The following CCDC102B variants were observed in gnomAD, a reference collection of about 807,000 sequenced individuals.
CCDC102B encodes the protein coiled-coil domain containing 102B.
CCDC102B carries 75 observed loss-of-function variants against 57.4 expected under a neutral mutation model. That is an observed-to-expected ratio of 1.31 (90% confidence interval 1.08 to 1.58). The LOEUF is 1.58. Among genes scored for constraint, CCDC102B ranks in the 40% most tolerant of loss-of-function variants. The pLI is 0.00. For synonymous variants in CCDC102B, 206 were observed against 201.9 expected (o/e 1.02, Z -0.17); for missense variants, 636 against 582.6 (o/e 1.09, Z -0.94).
chr18:68,913,572 T>C (rs1689703540), intron 6 of CCDC102B, among the ~76,000 whole-genome samples: 1 of 151,794 alleles, frequency 6.6e-6, no homozygotes, highest in South Asian at 2.1e-4. Flanking sequence ...GGAAAATCAC[T>C]TCAACCAGGG....
intron 6 of CCDC102B, among the ~76,000 whole-genome samples, chr18:68,952,911 C>G (rs2049738564): frequency 6.6e-6 from 1 of 152,096 alleles, no homozygotes; most frequent in African/African-American, 2.4e-5. Context: ...TACTCTTGTA[C>G]ATGTATACTA....
intron 6 of CCDC102B, among the ~76,000 whole-genome samples, chr18:68,947,182 C>G (rs1287286304): frequency 6.6e-6 from 1 of 151,390 alleles, no homozygotes; most frequent in Non-Finnish European, 1.5e-5. Context: ...GTTTTCCATC[C>G]CCCACCAAGA....
At chr18:68,954,067 T>A (rs1172515828) in intron 6 of CCDC102B, among the ~76,000 whole-genome samples, 3 of 152,044 alleles carry the variant, frequency 2.0e-5, no homozygotes, top group Non-Finnish European at 4.4e-5. Flanking sequence ...GTTTTTTTTT[T>A]AAAGAATAAT....
intron 5 of CCDC102B, among the ~76,000 whole-genome samples, chr18:68,879,080 T>C (rs2039571148): frequency 6.6e-6 from 1 of 151,960 alleles, no homozygotes; most frequent in African/African-American, 2.4e-5. Context: ...GTTACAGCTC[T>C]TAAGGCAGCA....
At chr18:68,933,636 T>C (rs569958390) in intron 6 of CCDC102B, among the ~76,000 whole-genome samples, 49 of 152,052 alleles carry the variant, frequency 3.2e-4, no homozygotes, top group African/African-American at 1.0e-3. Flanking sequence ...TGTGATAATA[T>C]ATTGGAATAC....
At chr18:68,773,431 C>A (rs1219326786) in intron 2 of CCDC102B, among the ~76,000 whole-genome samples, 2 of 151,974 alleles carry the variant, frequency 1.3e-5, no homozygotes, top group African/African-American at 4.8e-5. Flanking sequence ...AGTTACTCTT[C>A]TCTGACTTAT....
chr18:68,763,517 C>A (rs1193868530), intron 2 of CCDC102B, among the ~76,000 whole-genome samples: 2 of 152,028 alleles, frequency 1.3e-5, no homozygotes, highest in Non-Finnish European at 2.9e-5. Context: ...AGCATGACAA[C>A]CTAATCTGAA....
At chr18:68,969,478 C>CTT (rs74175340) in intron 6 of CCDC102B, among the ~76,000 whole-genome samples, 28 of 137,288 alleles carry the variant, frequency 2.0e-4, no homozygotes, top group African/African-American at 6.7e-4. Flanking sequence ...TCCTTTTAAT[C>CTT]TTTTTTTTTT....
At chr18:68,823,213 C>A (rs2036765600) in intron 1 of CCDC102B, among the ~76,000 whole-genome samples, 1 of 152,228 alleles carries the variant, frequency 6.6e-6, no homozygotes, top group Non-Finnish European at 1.5e-5. Context: ...TTACCAAATT[C>A]TTTTAGCTTA....
intron 6 of CCDC102B, among the ~76,000 whole-genome samples, chr18:68,931,703 T>C (rs998627419): frequency 1.3e-5 from 2 of 151,958 alleles, no homozygotes; most frequent in African/African-American, 2.4e-5. Flanking sequence ...TCTTGCTTTT[T>C]GCTCCCATCT....
At chr18:69,024,587 G>A (rs2145428392) in intron 7 of CCDC102B, among the ~76,000 whole-genome samples, 1 of 152,116 alleles carries the variant, frequency 6.6e-6, no homozygotes, top group Non-Finnish European at 1.5e-5. Flanking sequence ...TTATATGTTA[G>A]CACAAATTAT....
chr18:68,931,696 T>C (rs2041678233), intron 6 of CCDC102B, among the ~76,000 whole-genome samples: 1 of 151,938 alleles, frequency 6.6e-6, no homozygotes, highest in African/African-American at 2.4e-5. Flanking sequence ...GCCTTGTTCT[T>C]GCTTTTTGCT....
chr18:68,728,421 T>C lies in CCDC102B; in HGVS notation c.-67+11827T>C, dbSNP rs141385238. Among the ~76,000 whole-genome samples the C allele has an allele frequency of 2.7e-3, 409 of 152,322 alleles. 3 individuals are homozygous for C. Among genetic ancestry groups the C allele is most frequent in the African/African-American group, 9.4e-3 (391 of 41,576 alleles). ...CATGGCTGCTAATACTACCCAAAGA[T>C]TGAACAACAGAAACAAAATTATGGC... On this transcript the variant is annotated intron_variant, in intron 2 of 3. Transcript: ENST00000578970.
intron 4 of CCDC102B, among the ~76,000 whole-genome samples, chr18:68,869,794 C>CCCA (rs2144913896): frequency 6.6e-6 from 1 of 152,072 alleles, no homozygotes; most frequent in Non-Finnish European, 1.5e-5. Flanking sequence ...GAAGTCTTTT[C>CCCA]CCATGCCTAT....
At chr18:68,830,403 AT>A (rs1195220459) in intron 1 of CCDC102B, among the ~76,000 whole-genome samples, 1 of 151,874 alleles carries the variant, frequency 6.6e-6, no homozygotes, top group Non-Finnish European at 1.5e-5. Flanking sequence ...TATTAATTTT[AT>A]TTTTGGCTTA....
intron 7 of CCDC102B, among the ~76,000 whole-genome samples, chr18:69,035,515 A>G (rs1387376227): frequency 6.6e-6 from 1 of 152,112 alleles, no homozygotes; most frequent in Non-Finnish European, 1.5e-5. Flanking sequence ...GGCAGTAAAA[A>G]GATGTGATAT....
At chr18:68,958,018 G>A (rs1248522538) in intron 6 of CCDC102B, among the ~76,000 whole-genome samples, 3 of 152,172 alleles carry the variant, frequency 2.0e-5, no homozygotes, top group Non-Finnish European at 4.4e-5. Context: ...ACGTGGCTGG[G>A]GAGGCCTCAC....
At chr18:68,781,180 T>C (rs926026012) in intron 2 of CCDC102B, among the ~76,000 whole-genome samples, 24 of 152,106 alleles carry the variant, frequency 1.6e-4, no homozygotes, top group Non-Finnish European at 1.9e-4. Flanking sequence ...ATTACTTAGC[T>C]GATTATGGAG....
rs190078812 is a variant in CCDC102B at position 68,719,621 on chromosome 18, G to T, written c.-67+3027G>T. On this transcript the variant is annotated intron_variant, in intron 2 of 3. Transcript: ENST00000578970. ...CACCTCCCCCCACCCCCAACAAATT[G>T]GGGAGGCCATCTACATTACTCAGAT... Among the ~76,000 whole-genome samples the T allele has an allele frequency of 2.6e-5, 4 of 152,152 alleles. No individual in the cohort carries two copies. In the East Asian group the frequency reaches 7.7e-4, roughly 29 times the overall value.
Sources: allele counts gnomAD v4.1 joint callset (sites outside exome capture counted in the v4.1 genomes callset), GRCh38; gene constraint gnomAD v4.1.1; transcripts MANE v1.5; gene names NCBI Gene and HGNC (gene_info 2026-07-23, HGNC 2026-07-21).